GATAD2A: variants seen among roughly 807,000 people sequenced by gnomAD.
The protein encoded by GATAD2A is GATA zinc finger domain containing 2A.
Under a neutral mutation model 68.5 loss-of-function variants are expected in GATAD2A, and 12 were observed. The observed-to-expected ratio is 0.18, with a 90% CI of 0.11 to 0.28. The LOEUF (loss-of-function observed/expected upper bound fraction) is 0.28. GATAD2A is among the 10% of genes least tolerant of loss of function. The pLI, the probability that GATAD2A is intolerant of heterozygous loss-of-function variation, is 1.00. For missense variants in GATAD2A, 755 were observed against 868.5 expected (o/e 0.87, Z 1.64); for synonymous variants, 410 against 375.3 (o/e 1.09, Z -1.07).
At chr19:19,412,014 T>C (rs559250530) in intron 1 of GATAD2A, among the ~76,000 whole-genome samples, 19 of 151,744 alleles carry the variant, frequency 1.3e-4, no homozygotes, top group Non-Finnish European at 2.4e-4. Flanking sequence ...TAAGGCAGGC[T>C]GATTGTTTGA....
chr19:19,415,478 C>G (rs193292581), intron 1 of GATAD2A, among the ~76,000 whole-genome samples: 9 of 149,106 alleles, frequency 6.0e-5, no homozygotes, highest in African/African-American at 9.9e-5. Flanking sequence ...GAGATGGAGT[C>G]TCACTCTGTT....
intron 1 of GATAD2A, among the ~76,000 whole-genome samples, chr19:19,420,371 A>G (rs1461520534): frequency 3.2e-5 from 4 of 125,192 alleles, no homozygotes; most frequent in Non-Finnish European, 6.4e-5. Context: ...TCGCTCTGTC[A>G]CCCAGGCTGG....
intron 1 of GATAD2A, among the ~76,000 whole-genome samples, chr19:19,456,045 T>A (rs1287128246): frequency 6.6e-6 from 1 of 150,938 alleles, no homozygotes; most frequent in Non-Finnish European, 1.5e-5. Context: ...TCCCAGCTAC[T>A]CGGGAGGCTG....
intron 2 of GATAD2A, among the ~76,000 whole-genome samples, chr19:19,481,931 C>A (rs1160493427): frequency 6.6e-6 from 1 of 152,108 alleles, no homozygotes; most frequent in African/African-American, 2.4e-5. Context: ...TAGTAGTTCC[C>A]ATATCTACCA....
At position 19,492,707 on chromosome 19, in the gene GATAD2A, C is replaced by A; in HGVS notation, c.529C>A (p.Gln177Lys). 1 of 1,614,100 alleles carries A rather than the reference C, an allele frequency of 6.2e-7. No individual in the cohort carries two copies. Among genetic ancestry groups the A allele is most frequent in the Non-Finnish European group, 8.5e-7 (1 of 1,180,020 alleles). ...QSQIQKEATA[Q>K]KPTGSVGSTV... ...TCAAATACAAAAGGAAGCCACCGCCCAGAAGGTGCGTGCCTGTCTCCCCTC... is the reference window on the plus strand; with the variant it reads ...TCAAATACAAAAGGAAGCCACCGCCAAGAAGGTGCGTGCCTGTCTCCCCTC... The change falls in exon 4 of 12, where the codon CAG (glutamine) becomes AAG (lysine). Residue 177 changes from glutamine to lysine, a missense_variant. By Grantham distance (53) the Gln-to-Lys change is moderately conservative (BLOSUM62 1). Coordinates refer to ENST00000683918, the MANE Select transcript of GATAD2A (RefSeq NM_001384528.1).
intron 2 of GATAD2A, 25 bp from the exon 3 acceptor site, chr19:19,492,281 G>C (rs1198766444): frequency 2.5e-6 from 4 of 1,590,312 alleles, no homozygotes; most frequent in Non-Finnish European, 3.4e-6. Flanking sequence ...AGGGCGCTCT[G>C]GTCACTACTG....
At chr19:19,474,431 C>T (rs539017767) in intron 2 of GATAD2A, among the ~76,000 whole-genome samples, 2 of 152,326 alleles carry the variant, frequency 1.3e-5, no homozygotes, top group African/African-American at 4.8e-5. Flanking sequence ...TTGGTGCTTC[C>T]CCTCATGAGA....
rs530205114 is a variant in GATAD2A at position 19,498,949 on chromosome 19, C to T, written c.1204+227C>T. ...CCGAGAGGCTCAGGGTCCAGGGGGA[C>T]GGGCAGTAGTGGCCTCCGTGACGTT... On this transcript the variant is annotated intron_variant, in intron 8 of 11. Transcript: ENST00000683918. Among the ~76,000 whole-genome samples, 310 of 152,306 alleles carry T rather than the reference C, an allele frequency of 2.0e-3. 1 individual carries two copies. Among genetic ancestry groups the T allele is most frequent in the African/African-American group, 7.1e-3 (296 of 41,570 alleles).
At chr19:19,459,865 C>G (rs1377207184) in intron 1 of GATAD2A, among the ~76,000 whole-genome samples, 1 of 152,238 alleles carries the variant, frequency 6.6e-6, no homozygotes, top group Non-Finnish European at 1.5e-5. Flanking sequence ...CTTTCTGTCT[C>G]TCAAGTTAAG....
chr19:19,492,643 A>G lies in GATAD2A; in HGVS notation c.465A>G (p.Glu155=). The G allele has an allele frequency of 6.2e-7, 1 of 1,614,206 alleles. No individual in the cohort carries two copies. Among genetic ancestry groups the G allele is most frequent in the South Asian group, 1.1e-5 (1 of 91,092 alleles). Residue 155 remains glutamate, a synonymous_variant, in exon 4 of 12, where the codon GAA becomes GAG. Transcript: ENST00000683918. ...AGCTGAAGGAAGAATTGAGGTTAGA[A>G]GAAGCAAAACTCGTGTTGTTGAAAA... ...IKQLKEELRL[E]EAKLVLLKKL... is the part of the protein sequence containing the mutation.
rs184691140 is a variant in GATAD2A at position 19,421,032 on chromosome 19, G to T, written c.-7+15013G>T. On this transcript the variant is annotated intron_variant, in intron 1 of 11. Transcript: ENST00000683918. ...TTTCTCTAGCAGTTTGAATCCAGGT[G>T]CCTAGCGGTAACTTTCTCCGTTGAG... Among the ~76,000 whole-genome samples the T allele has an allele frequency of 3.9e-5, 6 of 152,342 alleles. No individual in the cohort carries two copies. In the East Asian group the frequency reaches 1.2e-3, roughly 29 times the overall value.
intron 1 of GATAD2A, among the ~76,000 whole-genome samples, chr19:19,410,717 C>T (rs953698537): frequency 6.6e-6 from 1 of 152,174 alleles, no homozygotes; most frequent in Non-Finnish European, 1.5e-5. Context: ...CAAGTGTGGC[C>T]GTGTGCCTAT....
At position 19,508,599 on chromosome 19, in the gene GATAD2A, G is replaced by C. The variant is rs1488355493; in HGVS notation, c.*3125G>C. ...GATGATCCTTGCTGCTCTGCCGTAG[G>C]GTTTTTGATGCTGAGCTATGCTGCA... On this transcript the variant is annotated 3_prime_UTR_variant, in exon 12 of 12. Coordinates refer to ENST00000683918, the MANE Select transcript of GATAD2A (RefSeq NM_001384528.1). The C allele has an allele frequency of 1.3e-5, 2 of 152,156 alleles. No individual in the cohort carries two copies. Among genetic ancestry groups the C allele is most frequent in the Non-Finnish European group, 2.9e-5 (2 of 68,030 alleles). The allele number at this position is 152,156 out of a possible 1,614,324, so 9.4% of individuals were successfully genotyped here.
At chr19:19,392,777 A>G (rs1433247834) in intron 1 of GATAD2A, among the ~76,000 whole-genome samples, 2 of 150,294 alleles carry the variant, frequency 1.3e-5, no homozygotes, top group Non-Finnish European at 3.0e-5. Context: ...GCTCACTGCA[A>G]CCTCTGCCTC....
intron 2 of GATAD2A, among the ~76,000 whole-genome samples, chr19:19,484,972 T>A (rs1405665176): frequency 2.0e-5 from 3 of 152,304 alleles, no homozygotes; most frequent in Non-Finnish European, 4.4e-5. Flanking sequence ...GCAGACTGCC[T>A]CCTCCTTTTC....
intron 1 of GATAD2A, chr19:19,429,105 C>A (rs2053436314): frequency 1.3e-6 from 1 of 754,178 alleles, no homozygotes; most frequent in Admixed American, 6.3e-5. Flanking sequence ...TTTGTAGTCT[C>A]CTCCTCCGTG....
At chr19:19,424,904 A>G (rs571068305) in intron 1 of GATAD2A, among the ~76,000 whole-genome samples, 2 of 152,018 alleles carry the variant, frequency 1.3e-5, no homozygotes, top group East Asian at 3.9e-4. Context: ...ACTTGAAGCT[A>G]GGAGTTTGAG....
In GATAD2A at chr19:19,413,642, C is replaced by T. The variant is rs988673046; in HGVS notation, c.-7+7623C>T. On this transcript the variant is annotated intron_variant, in intron 1 of 11. Coordinates refer to ENST00000683918, the MANE Select transcript of GATAD2A (RefSeq NM_001384528.1). ...TGTCGCTCAGGCTGGAGTGCAGTGG[C>T]GCAATCTCGGCTCACTGCTTGAACC... Among the ~76,000 whole-genome samples the T allele has an allele frequency of 5.3e-5, 8 of 152,186 alleles. No homozygotes were observed. In the South Asian group the frequency reaches 1.2e-3, roughly 24 times the overall value.
chr19:19,504,850 C>A (rs2060781110), intron 11 of GATAD2A, among the ~76,000 whole-genome samples: 1 of 151,934 alleles, frequency 6.6e-6, no homozygotes, highest in South Asian at 2.1e-4. Context: ...ACTATGTTGC[C>A]CAGGCTGGTC....
Sources: allele counts gnomAD v4.1 joint callset (sites outside exome capture counted in the v4.1 genomes callset), GRCh38; gene constraint gnomAD v4.1.1; transcripts MANE v1.5; gene names NCBI Gene and HGNC (gene_info 2026-07-23, HGNC 2026-07-21).